Variants in RABGAP1L observed in about 807,000 individuals in gnomAD.
RABGAP1L encodes the protein rab GTPase-activating protein 1-like.
Under a neutral mutation model 137.7 loss-of-function variants are expected in RABGAP1L, and 63 were observed. The ratio of observed to expected loss-of-function variants is 0.46; its 90% CI spans 0.37 to 0.56. The LOEUF is 0.56. Among genes scored for constraint, RABGAP1L ranks in the 20% least tolerant of loss-of-function variants. The pLI is 0.00. For missense variants in RABGAP1L, 1,095 were observed against 1,244.0 expected (o/e 0.88, Z 1.80); for synonymous variants, 431 against 433.7 (o/e 0.99, Z 0.08).
intron 1 of RABGAP1L, among the ~76,000 whole-genome samples, chr1:174,196,166 C>G (rs373543009): frequency 1.5e-3 from 229 of 150,764 alleles, no homozygotes; most frequent in Middle Eastern, 3.5e-3. Context: ...TTTAGATTGC[C>G]TCTTTTGGAT....
At chr1:174,465,113 A>G (rs1032187624) in intron 13 of RABGAP1L, among the ~76,000 whole-genome samples, 3 of 152,200 alleles carry the variant, frequency 2.0e-5, no homozygotes, top group African/African-American at 7.2e-5. Context: ...CTGGCACATG[A>G]AAACTACTGT....
At chr1:174,243,206 C>T (rs568294728) in intron 5 of RABGAP1L, 1 of 152,238 alleles carries the variant, frequency 6.6e-6, no homozygotes, top group South Asian at 2.1e-4. Flanking sequence ...TGGATTGTAG[C>T]ATTCACTTGG....
intron 19 of RABGAP1L, chr1:174,875,372 A>G (rs1652908896): frequency 5.0e-6 from 1 of 200,592 alleles, no homozygotes; most frequent in Non-Finnish European, 8.9e-6. Context: ...AAGATTACCT[A>G]TGGTTACGCT....
intron 19 of RABGAP1L, among the ~76,000 whole-genome samples, chr1:174,868,197 G>C (rs552821181): frequency 5.5e-4 from 84 of 151,958 alleles, no homozygotes; most frequent in African/African-American, 2.0e-3. Flanking sequence ...GACCTCAGGC[G>C]ATTCACCCAC....
At chr1:174,686,648 CT>C (rs533716511) in intron 15 of RABGAP1L, among the ~76,000 whole-genome samples, 20,191 of 105,232 alleles carry the variant, frequency 0.19, 3,875 homozygotes, top group Non-Finnish European at 0.24. Context: ...ACAAAGCAAT[CT>C]TTTTTTTTTT....
At chr1:174,896,487 T>C (rs1339411056) in intron 19 of RABGAP1L, among the ~76,000 whole-genome samples, 2 of 152,238 alleles carry the variant, frequency 1.3e-5, no homozygotes, top group African/African-American at 4.8e-5. Flanking sequence ...CCATTGCTTT[T>C]GGTGTTTTAG....
rs368267157 is a variant in RABGAP1L at position 174,910,410 on chromosome 1, A to G, written c.2341-47047A>G. Among the ~76,000 whole-genome samples the G allele has an allele frequency of 7.4e-4, 112 of 152,336 alleles. 1 individual carries two copies. Among genetic ancestry groups the G allele is most frequent in the African/African-American group, 2.3e-3 (96 of 41,580 alleles). ...ACCTTAATAATAATGGAATTATTAT[A>G]CCTCAATAATAAAGACCATAAATGA... On this transcript the variant is annotated intron_variant, in intron 19 of 25. Coordinates refer to ENST00000681986, the MANE Select transcript of RABGAP1L (RefSeq NM_001366446.1).
intron 19 of RABGAP1L, among the ~76,000 whole-genome samples, chr1:174,832,504 C>T (rs1692215724): frequency 6.8e-6 from 1 of 147,466 alleles, no homozygotes; most frequent in South Asian, 2.2e-4. Context: ...TGAACTGCGC[C>T]CAAAAACAGA....
intron 11 of RABGAP1L, among the ~76,000 whole-genome samples, chr1:174,362,195 T>C (rs1288088347): frequency 6.6e-6 from 1 of 152,234 alleles, no homozygotes; most frequent in Non-Finnish European, 1.5e-5. Context: ...GATGGGCATT[T>C]AGGTTGATTT....
chr1:174,364,277 C>T (rs564660003), intron 11 of RABGAP1L, among the ~76,000 whole-genome samples: 16 of 59,054 alleles, frequency 2.7e-4, no homozygotes, highest in South Asian at 1.3e-3. Flanking sequence ...TTTTTTGAGA[C>T]GGAGTCTCGC....
rs1027071449 is a variant in RABGAP1L, at chr1:174,278,546, G to A, written c.1157-67G>A. 18 of 1,276,444 alleles carry A rather than the reference G, an allele frequency of 1.4e-5. No individual in the cohort carries two copies. In the South Asian group the frequency reaches 2.2e-4, roughly 16 times the overall value. The allele number at this position is 1,276,444 out of a possible 1,614,324, so 79.1% of individuals were successfully genotyped here. A position where few individuals can be genotyped will look rare whatever the true frequency, so the allele number is the denominator to read the frequency against. Reference sequence around the variant, plus strand: ...GAACTTTAATTCTTTCATAAGTGAGGAAACTTTGTTTAAAGTAGACAAGGA... The same window carrying A: ...GAACTTTAATTCTTTCATAAGTGAGAAAACTTTGTTTAAAGTAGACAAGGA... On this transcript the variant is annotated intron_variant, in intron 9 of 25. Coordinates refer to ENST00000681986, the MANE Select transcript of RABGAP1L (RefSeq NM_001366446.1).
intron 17 of RABGAP1L, among the ~76,000 whole-genome samples, chr1:174,723,483 A>T (rs1681745497): frequency 6.6e-6 from 1 of 152,238 alleles, no homozygotes; most frequent in South Asian, 2.1e-4. Context: ...AAGAACAGGT[A>T]ATACCTAATC....
intron 13 of RABGAP1L, among the ~76,000 whole-genome samples, chr1:174,444,726 C>A (rs1338816188): frequency 6.6e-6 from 1 of 151,992 alleles, no homozygotes; most frequent in African/African-American, 2.4e-5. Context: ...AGTTTGTTGG[C>A]ATATATATTT....
At chr1:174,934,644 A>G (rs1490257737) in intron 19 of RABGAP1L, among the ~76,000 whole-genome samples, 1 of 152,036 alleles carries the variant, frequency 6.6e-6, no homozygotes, top group Non-Finnish European at 1.5e-5. Flanking sequence ...TACAAAAAAT[A>G]GCTGCTAGTG....
intron 10 of RABGAP1L, among the ~76,000 whole-genome samples, chr1:174,285,965 TG>T (rs1352239106): frequency 1.3e-5 from 2 of 152,196 alleles, no homozygotes; most frequent in Non-Finnish European, 2.9e-5. Context: ...TTTACTCTGC[TG>T]TTGATTTCAG....
chr1:174,351,786 TG>T (rs1427080354), intron 11 of RABGAP1L, among the ~76,000 whole-genome samples: 2 of 123,536 alleles, frequency 1.6e-5, no homozygotes, highest in African/African-American at 4.7e-5. Flanking sequence ...GTTCTCTGTG[TG>T]TTTTTTTTGT....
chr1:174,784,650 G>T (rs1687315850), intron 18 of RABGAP1L, among the ~76,000 whole-genome samples: 1 of 152,180 alleles, frequency 6.6e-6, no homozygotes, highest in Non-Finnish European at 1.5e-5. Context: ...GGGCATGTCA[G>T]GAATCGGAGT....
chr1:174,846,365 G>A (rs1242565676), intron 19 of RABGAP1L, among the ~76,000 whole-genome samples: 5 of 151,392 alleles, frequency 3.3e-5, no homozygotes, highest in Admixed American at 6.6e-5. Context: ...TGGGCATTTA[G>A]TGCTATAAAT....
rs1667276426 is a variant in RABGAP1L at position 174,948,714 on chromosome 1, T to C, written c.2341-8743T>C. 3 of 152,098 alleles carry C rather than the reference T, an allele frequency of 2.0e-5. No individual in the cohort carries two copies. The South Asian group carries it at 6.2e-4, about 32-fold the overall frequency. 9.4% of individuals were successfully genotyped at this position (152,098 alleles called of 1,614,324 possible). On this transcript the variant is annotated intron_variant, in intron 19 of 25. Coordinates refer to ENST00000681986, the MANE Select transcript of RABGAP1L (RefSeq NM_001366446.1). ...AGATTAAAAAAAAGATAAAGGTGAC[T>C]GATCATACCTCAGATCTTCTGAATC...
Sources: gnomAD v4.1 joint callset for allele counts (sites outside exome capture counted in the v4.1 genomes callset) on GRCh38, gnomAD v4.1.1 for gene constraint, MANE v1.5 for transcripts, NCBI Gene and HGNC (gene_info 2026-07-23, HGNC 2026-07-21) for gene names.